Variants in PDE10A observed in about 807,000 individuals in gnomAD.
PDE10A encodes the protein phosphodiesterase 10A.
A neutral mutation model predicts 97.7 loss-of-function variants in PDE10A; 39 were observed. That is an observed-to-expected ratio of 0.40 (90% CI 0.31 to 0.52). The LOEUF is 0.52. Among genes scored for constraint, PDE10A ranks in the 20% least tolerant of loss-of-function variants. The pLI is 0.56. For synonymous variants in PDE10A, 371 were observed against 376.8 expected, an observed-to-expected ratio of 0.98 and a Z score of 0.18; for missense variants, 731 against 1,047.8, an observed-to-expected ratio of 0.70 and a Z score of 4.17.
chr6:165,702,002 C>G, intron 1 of PDE10A, among the ~76,000 whole-genome samples: 1 of 152,288 alleles, frequency 6.6e-6, no homozygotes, highest in East Asian at 1.9e-4. Flanking sequence ...GGCCCTGGAA[C>G]TACAGGACAA....
rs1790362973 is a variant in PDE10A at position 165,662,877 on chromosome 6, T to TGGGCTCCGC, written c.-75_-67dup. Among the ~76,000 whole-genome samples the TGGGCTCCGC allele has an allele frequency of 6.7e-6, 1 of 149,190 alleles. No individual in the cohort carries two copies. Among genetic ancestry groups the TGGGCTCCGC allele is most frequent in the Non-Finnish European group, 1.5e-5 (1 of 66,978 alleles). On this transcript the variant is annotated 5_prime_UTR_variant, in exon 1 of 22. Transcript: ENST00000539869. ...AGGGGCGCGGCGGGCCGGGGCTCGG[T>TGGGCTCCGC]GGGCTCCGCCCCCGCAGGACCTGCC...
rs1186982980 is a variant in PDE10A, at chr6:165,795,597, CAAA to C, written c.-615+191929_-615+191931del. On this transcript the variant is annotated intron_variant, in intron 1 of 19. Transcript: ENST00000366882. ...AAAAACAAACAAACAAACAAACAAACAAAAAAACCAGCAGACGCGGTGGTAGGT... is the reference window on the plus strand; with the variant it reads ...AAAAACAAACAAACAAACAAACAAACAAAACCAGCAGACGCGGTGGTAGGT... Among the ~76,000 whole-genome samples the C allele has an allele frequency of 2.0e-5, 3 of 151,990 alleles. No homozygotes were observed. In the East Asian group the frequency reaches 5.8e-4, roughly 29 times the overall value.
At chr6:165,675,732 C>T (rs1047137135) in intron 1 of PDE10A, among the ~76,000 whole-genome samples, 1 of 152,158 alleles carries the variant, frequency 6.6e-6, no homozygotes, top group African/African-American at 2.4e-5. Context: ...TATTTAGTGT[C>T]TACTACGCAC....
chr6:165,503,551 AC>A (rs1781022611), intron 2 of PDE10A, among the ~76,000 whole-genome samples: 1 of 152,188 alleles, frequency 6.6e-6, no homozygotes, highest in Non-Finnish European at 1.5e-5. Flanking sequence ...GAAACGTGGC[AC>A]GAGATTCAAT....
chr6:165,616,445 G>C (rs974108362), intron 1 of PDE10A, among the ~76,000 whole-genome samples: 12 of 152,162 alleles, frequency 7.9e-5, no homozygotes, highest in African/African-American at 2.9e-4. Flanking sequence ...TTTCCTTCAA[G>C]TAGCTGTCAC....
intron 1 of PDE10A, among the ~76,000 whole-genome samples, chr6:165,917,007 AG>A (rs1782624388): frequency 6.6e-6 from 1 of 152,116 alleles, no homozygotes; most frequent in Non-Finnish European, 1.5e-5. Flanking sequence ...GTTTCTCCTA[AG>A]ACCTGTTGGG....
At position 165,496,704 on chromosome 6, in the gene PDE10A, C is replaced by T. The variant is rs989635977; in HGVS notation, c.995-14361G>A. Among the ~76,000 whole-genome samples, 6 of 152,224 alleles carry T rather than the reference C, an allele frequency of 3.9e-5. No homozygotes were observed. In the South Asian group the frequency reaches 1.2e-3, roughly 32 times the overall value. On this transcript the variant is annotated intron_variant, in intron 2 of 21. Coordinates refer to ENST00000539869, the MANE Select transcript of PDE10A (RefSeq NM_001385079.1). ...TACATTACTGAAAAATAAAATCATT[C>T]CAAAATGATTCTGTGATTATTAAGA... is the stretch of plus-strand genomic sequence containing the variant.
At chr6:165,716,051 C>A (rs1470958926) in intron 1 of PDE10A, among the ~76,000 whole-genome samples, 1 of 152,184 alleles carries the variant, frequency 6.6e-6, no homozygotes, top group Non-Finnish European at 1.5e-5. Context: ...TAGAACGGAG[C>A]TGTTCTGAGA....
chr6:165,566,699 T>C (rs1784794645), intron 1 of PDE10A, among the ~76,000 whole-genome samples: 1 of 152,196 alleles, frequency 6.6e-6, no homozygotes, highest in Non-Finnish European at 1.5e-5. Flanking sequence ...TGCTCTGTTC[T>C]AAAGGCAACC....
intron 13 of PDE10A, among the ~76,000 whole-genome samples, chr6:165,401,096 T>A (rs1285572966): frequency 6.6e-6 from 1 of 152,178 alleles, no homozygotes; most frequent in Non-Finnish European, 1.5e-5. Context: ...ATACTGATTA[T>A]GTTGATGGTT....
chr6:165,945,972 A>C (rs990827849), intron 1 of PDE10A, among the ~76,000 whole-genome samples: 1 of 152,216 alleles, frequency 6.6e-6, no homozygotes, highest in Admixed American at 6.5e-5. Context: ...GATATCATTT[A>C]GTTGATTGTT....
chr6:165,677,840 TTGTGTA>T (rs1216508018), intron 1 of PDE10A, among the ~76,000 whole-genome samples: 1 of 151,980 alleles, frequency 6.6e-6, no homozygotes, highest in Non-Finnish European at 1.5e-5. Context: ...GTGTGCGCGT[TTGTGTA>T]TGTGTGTGTT....
intron 1 of PDE10A, among the ~76,000 whole-genome samples, chr6:165,735,338 GTAGA>G (rs906013254): frequency 6.7e-5 from 10 of 150,000 alleles, no homozygotes; most frequent in African/African-American, 2.4e-4. Flanking sequence ...AGGTAGGTTA[GTAGA>G]TAGATGGGTA....
intron 1 of PDE10A, among the ~76,000 whole-genome samples, chr6:165,861,393 G>C (rs1437724830): frequency 2.7e-5 from 4 of 150,434 alleles, no homozygotes; most frequent in African/African-American, 7.3e-5. Flanking sequence ...GTCCTCTCGG[G>C]GGGGCGCTAT....
chr6:165,620,342 T>C (rs1049326223), intron 1 of PDE10A, among the ~76,000 whole-genome samples: 2 of 151,716 alleles, frequency 1.3e-5, no homozygotes, highest in African/African-American at 4.8e-5. Context: ...GGGGTAGAAA[T>C]GGCCAAAGAG....
At chr6:165,386,081 C>T (rs1785280350) in intron 17 of PDE10A, among the ~76,000 whole-genome samples, 1 of 152,164 alleles carries the variant, frequency 6.6e-6, no homozygotes, top group Non-Finnish European at 1.5e-5. Flanking sequence ...TAACTTACTG[C>T]CATGAGCTCC....
intron 13 of PDE10A, among the ~76,000 whole-genome samples, chr6:165,409,164 CAA>C (rs61455081): frequency 0.52 from 55,722 of 107,718 alleles, 12,096 homozygotes; most frequent in Middle Eastern, 0.69. Context: ...GACTCCATCT[CAA>C]AAAAAAAAAA....
chr6:165,328,660 C>G lies in PDE10A; in HGVS notation c.*4365G>C, dbSNP rs1781175269. ...GAAACATCAAGTGAGGACAGCATTG[C>G]TTCTTCGGATGTTAAATGTGTTTCT... On this transcript the variant is annotated 3_prime_UTR_variant, in exon 22 of 22. Transcript: ENST00000539869. 1 of 152,236 alleles carries G rather than the reference C, an allele frequency of 6.6e-6. No homozygotes were observed. The allele number at this position is 152,236 out of a possible 1,614,324, so 9.4% of individuals were successfully genotyped here. A position where few individuals can be genotyped will look rare whatever the true frequency, so the allele number is the denominator to read the frequency against.
In PDE10A at chr6:165,376,330, T is replaced by C. The variant is rs532457255; in HGVS notation, c.2783+2864A>G. Among the ~76,000 whole-genome samples, 19 of 152,318 alleles carry C rather than the reference T, an allele frequency of 1.2e-4. No homozygotes were observed. The East Asian group carries it at 3.5e-3, about 28-fold the overall frequency. ...TGACTGATGCAATCATGATCAAACT[T>C]GAACGGATGAGGTGCTTCTTATGAA... On this transcript the variant is annotated intron_variant, in intron 18 of 21. Transcript: ENST00000539869.
Sources: gnomAD v4.1 joint callset for allele counts (sites outside exome capture counted in the v4.1 genomes callset) on GRCh38, gnomAD v4.1.1 for gene constraint, MANE v1.5 for transcripts, NCBI Gene and HGNC (gene_info 2026-07-23, HGNC 2026-07-21) for gene names.